The following PEAK1 variants were observed in gnomAD, a reference collection of about 807,000 sequenced individuals.
The protein encoded by PEAK1 is inactive tyrosine-protein kinase PEAK1.
Under a neutral mutation model 124.7 loss-of-function variants are expected in PEAK1, and 54 were observed. That is an observed-to-expected ratio of 0.43 (90% CI 0.35 to 0.54). The LOEUF (loss-of-function observed/expected upper bound fraction) is 0.54, where lower values mean the gene tolerates loss of function less well. Ranked by LOEUF, PEAK1 falls within the 20% of genes least tolerant of loss-of-function variation. PEAK1 has a pLI of 0.01. For missense variants in PEAK1, 2,046 were observed against 2,134.5 expected, an observed-to-expected ratio of 0.96 and a Z score of 0.82; for synonymous variants, 719 against 760.0, an observed-to-expected ratio of 0.95 and a Z score of 0.89.
intron 7 of PEAK1, among the ~76,000 whole-genome samples, chr15:77,168,581 C>T (rs867884173): frequency 5.1e-4 from 77 of 152,262 alleles, no homozygotes; most frequent in African/African-American, 1.7e-3. Flanking sequence ...TCTGGCCCAT[C>T]GGCCATAGTT....
At chr15:77,321,867 C>G (rs896452388) in intron 2 of PEAK1, among the ~76,000 whole-genome samples, 1 of 152,074 alleles carries the variant, frequency 6.6e-6, no homozygotes, top group African/African-American at 2.4e-5. Flanking sequence ...TTTCAGCTTT[C>G]TACACATGGC....
chr15:77,200,691 A>C (rs2058321513), intron 6 of PEAK1, among the ~76,000 whole-genome samples: 1 of 152,148 alleles, frequency 6.6e-6, no homozygotes, highest in Admixed American at 6.5e-5. Flanking sequence ...TTGTTTATTT[A>C]TTTTGAAAAT....
chr15:77,406,557 T>C (rs1018799581), intron 1 of PEAK1, among the ~76,000 whole-genome samples: 2 of 152,094 alleles, frequency 1.3e-5, no homozygotes, highest in Non-Finnish European at 2.9e-5. Flanking sequence ...AATAAAATAC[T>C]TAGGAATACA....
intron 2 of PEAK1, among the ~76,000 whole-genome samples, chr15:77,295,659 T>C (rs926386475): frequency 6.6e-6 from 1 of 152,230 alleles, no homozygotes; most frequent in African/African-American, 2.4e-5. Flanking sequence ...CAGTATTACA[T>C]AATGCACCAT....
At chr15:77,221,647 T>C (rs565972699) in intron 6 of PEAK1, among the ~76,000 whole-genome samples, 7 of 152,046 alleles carry the variant, frequency 4.6e-5, no homozygotes, top group African/African-American at 1.2e-4. Flanking sequence ...AGCACCTAAC[T>C]GGGCAAACAT....
rs765711336 is a variant in PEAK1, at chr15:77,179,261, T to C, written c.2666A>G (p.His889Arg). Residue 889 changes from histidine to arginine, a missense_variant, in exon 7 of 10, where the codon CAT becomes CGT. Physicochemically the swap from His to Arg is conservative, Grantham distance 29. Coordinates refer to ENST00000682557, the MANE Select transcript of PEAK1 (RefSeq NM_001385026.1). ...PYHAGNLLQRHFTNWTKPTSP... is the reference protein window; with the variant it reads ...PYHAGNLLQRRFTNWTKPTSP... ...GGTTGGCTTGGTCCAGTTGGTGAAA[T>C]GCCTCTGCAAAAGGTTACCTGCATG... The C allele has an allele frequency of 1.2e-6, 2 of 1,614,094 alleles. No individual in the cohort carries two copies. The highest frequency in any genetic ancestry group is 3.3e-5 in the Admixed American group (2 of 60,014).
At chr15:77,345,032 T>C (rs140718858) in intron 2 of PEAK1, among the ~76,000 whole-genome samples, 37 of 152,354 alleles carry the variant, frequency 2.4e-4, no homozygotes, top group African/African-American at 7.9e-4. Flanking sequence ...ATAAATTTTT[T>C]TTCTTTTTCT....
chr15:77,212,573 C>A (rs1315349849), intron 6 of PEAK1, among the ~76,000 whole-genome samples: 1 of 152,102 alleles, frequency 6.6e-6, no homozygotes, highest in African/African-American at 2.4e-5. Context: ...ACAGACATAC[C>A]GGAGACTCAT....
chr15:77,120,833 A>G (rs1484579514), intron 9 of PEAK1, among the ~76,000 whole-genome samples: 1 of 152,042 alleles, frequency 6.6e-6, no homozygotes, highest in Non-Finnish European at 1.5e-5. Flanking sequence ...TACTATATTG[A>G]GCTATCTGCA....
intron 2 of PEAK1, among the ~76,000 whole-genome samples, chr15:77,320,785 C>T (rs1350151504): frequency 6.6e-6 from 1 of 151,944 alleles, no homozygotes; most frequent in Admixed American, 6.6e-5. Context: ...ACATTAGGTA[C>T]ATCTCCTAAT....
rs1435943050 is a variant in PEAK1, at chr15:77,179,829, C to T, written c.2098G>A (p.Gly700Ser). The T allele has an allele frequency of 2.5e-6, 4 of 1,613,918 alleles. No homozygotes were observed. Among genetic ancestry groups the T allele is most frequent in the Non-Finnish European group, 3.4e-6 (4 of 1,179,990 alleles). The change falls in exon 7 of 10, where the codon GGC (glycine) becomes AGC (serine). Residue 700 changes from glycine to serine, a missense_variant. Coordinates refer to ENST00000682557, the MANE Select transcript of PEAK1 (RefSeq NM_001385026.1). ...TCTTGAACCTTCTGAGCCACTGAGC[C>T]CCTTTTATGCTCTGTGCTGTTTGAA... ...GFSNSTEHKR[G>S]SVAQKVQEFN...
intron 2 of PEAK1, among the ~76,000 whole-genome samples, chr15:77,310,533 C>G (rs1028349048): frequency 1.2e-4 from 19 of 152,092 alleles, no homozygotes; most frequent in African/African-American, 4.6e-4. Flanking sequence ...TAGTTTGCAC[C>G]ATGAAGTCCA....
At chr15:77,288,065 C>A (rs1747891294) in intron 2 of PEAK1, among the ~76,000 whole-genome samples, 1 of 152,114 alleles carries the variant, frequency 6.6e-6, no homozygotes, top group Admixed American at 6.5e-5. Context: ...CATACTTCTG[C>A]CAACATGATT....
At chr15:77,224,912 C>T (rs770771819) in intron 6 of PEAK1, among the ~76,000 whole-genome samples, 1 of 151,878 alleles carries the variant, frequency 6.6e-6, no homozygotes, top group East Asian at 1.9e-4. Flanking sequence ...GCACCTTTCA[C>T]GTCTAGTTTG....
chr15:77,361,887 TATCTAGTCATGAAGA>T (rs1171789060), intron 2 of PEAK1, among the ~76,000 whole-genome samples: 3 of 151,594 alleles, frequency 2.0e-5, no homozygotes, highest in Admixed American at 6.6e-5. Context: ...CAGAGAATGC[TATCTAGTCATGAAGA>T]AAAAAAAAAA....
intron 5 of PEAK1, among the ~76,000 whole-genome samples, chr15:77,257,770 G>A (rs1240176547): frequency 5.3e-5 from 8 of 152,096 alleles, no homozygotes; most frequent in Admixed American, 2.0e-4. Flanking sequence ...TGTTGCCATT[G>A]CTTTTGGTGT....
rs2071463121 is a variant in PEAK1, at chr15:77,402,570, C to T, written c.-666+17436G>A. The T allele has an allele frequency of 4.1e-6, 4 of 976,436 alleles. No homozygotes were observed. In the African/African-American group the frequency reaches 7.0e-5, roughly 17 times the overall value. The allele number at this position is 976,436 out of a possible 1,614,324, so 60.5% of individuals were successfully genotyped here. On this transcript the variant is annotated intron_variant, in intron 1 of 9. Coordinates refer to ENST00000682557, the MANE Select transcript of PEAK1 (RefSeq NM_001385026.1). ...AAGTTTAATCTGATTATCTTTCTGT[C>T]ATCAAATAATGAAAGATATGCTCCA...
At chr15:77,346,796 G>A in intron 2 of PEAK1, 1 of 923,096 alleles carries the variant, frequency 1.1e-6, no homozygotes, top group Non-Finnish European at 1.3e-6. Context: ...TTACTGAAAT[G>A]CCTATTATGG....
At chr15:77,204,069 A>T (rs1313803394) in intron 6 of PEAK1, among the ~76,000 whole-genome samples, 2 of 152,372 alleles carry the variant, frequency 1.3e-5, no homozygotes, top group South Asian at 2.1e-4. Flanking sequence ...CTCAACAATA[A>T]GAAAATGAAC....
Sources: gnomAD v4.1 joint callset for allele counts (sites outside exome capture counted in the v4.1 genomes callset) on GRCh38, gnomAD v4.1.1 for gene constraint, MANE v1.5 for transcripts, NCBI Gene and HGNC (gene_info 2026-07-23, HGNC 2026-07-21) for gene names.